Variants in CACNA2D2 observed in about 807,000 individuals in gnomAD.
CACNA2D2 encodes the protein calcium voltage-gated channel auxiliary subunit alpha2delta 2.
In CACNA2D2, 48 loss-of-function variants were observed where a neutral mutation model predicts 166.4. The ratio of observed to expected loss-of-function variants is 0.29; its 90% confidence interval spans 0.23 to 0.37. The LOEUF (loss-of-function observed/expected upper bound fraction) is 0.37. CACNA2D2 is among the 10% of genes least tolerant of loss of function. CACNA2D2 has a pLI of 1.00. For synonymous variants in CACNA2D2, 561 were observed against 573.7 expected, an observed-to-expected ratio of 0.98 and a Z score of 0.32; for missense variants, 1,122 against 1,433.0, an observed-to-expected ratio of 0.78 and a Z score of 3.50.
intron 22 of CACNA2D2, among the ~76,000 whole-genome samples, chr3:50,373,552 G>C (rs1704775618): frequency 8.8e-6 from 1 of 113,746 alleles, no homozygotes; most frequent in South Asian, 3.5e-4. Context: ...GAATGAAGGA[G>C]GGAAGAAAGA....
At chr3:50,408,749 C>G (rs1575642468) in intron 3 of CACNA2D2, among the ~76,000 whole-genome samples, 1 of 152,116 alleles carries the variant, frequency 6.6e-6, no homozygotes, top group East Asian at 1.9e-4. Context: ...TTGCTCCTGC[C>G]TGGGCCCAGG....
Position 50,364,473 on chromosome 3 carries a change from G to A in CACNA2D2, c.*193C>T. On this transcript the variant is annotated 3_prime_UTR_variant, in exon 38 of 38. Transcript: ENST00000424201. ...AGTTCGGAGGTGAGATGTGATTTGG[G>A]TGCCAAACACCTGCGGCGTCCCGCT... 3.1e-6 allele frequency: 2 copies of A among 649,506 alleles called. No individual in the cohort carries two copies. The highest frequency in any genetic ancestry group is 5.1e-6 in the Non-Finnish European group (2 of 388,946). The allele number at this position is 649,506 out of a possible 1,614,324, so 40.2% of individuals were successfully genotyped here. A position where few individuals can be genotyped will look rare whatever the true frequency, so the allele number is the denominator to read the frequency against.
At chr3:50,395,610 G>A (rs565453411) in intron 3 of CACNA2D2, among the ~76,000 whole-genome samples, 5 of 152,334 alleles carry the variant, frequency 3.3e-5, no homozygotes, top group Admixed American at 3.3e-4. Context: ...GGCCCCAGAG[G>A]GGACGTCCTA....
Position 50,367,499 on chromosome 3 carries a change from T to G in CACNA2D2, c.2298-2A>C. On this transcript the variant is annotated splice_acceptor_variant, in intron 26 of 37. Transcript: ENST00000424201. LOFTEE classifies it high-confidence loss of function. This position sits in a 1 kb window ranked among gnomAD's most constrained non-coding sequence, Gnocchi z 6.5. The stretch of plus-strand genomic sequence containing the variant: ...TTCTCTGTCCAGTCCTCAGCTGCCC[T>G]GGAGCACCCAAGAGGCAGACTGGTA... 1 of 1,613,778 alleles carries G rather than the reference T, an allele frequency of 6.2e-7. No homozygotes were observed. The highest frequency in any genetic ancestry group is 8.5e-7 in the Non-Finnish European group (1 of 1,179,854).
intron 1 of CACNA2D2, among the ~76,000 whole-genome samples, chr3:50,477,060 G>A (rs1429005480): frequency 6.6e-6 from 1 of 151,748 alleles, no homozygotes; most frequent in Non-Finnish European, 1.5e-5. Context: ...CTCCAGAGTA[G>A]CTGGGACTAC....
intron 3 of CACNA2D2, among the ~76,000 whole-genome samples, chr3:50,406,197 A>G (rs1043887048): frequency 3.3e-5 from 5 of 151,860 alleles, no homozygotes; most frequent in African/African-American, 4.8e-5. Context: ...AGCTAATGCC[A>G]TGCAAATTGG....
At chr3:50,445,790 A>T (rs1262178093) in intron 2 of CACNA2D2, among the ~76,000 whole-genome samples, 1 of 152,110 alleles carries the variant, frequency 6.6e-6, no homozygotes, top group Non-Finnish European at 1.5e-5. Flanking sequence ...GACCTGAAAA[A>T]TGCAGGGGTG....
chr3:50,404,657 C>T (rs528629650), intron 3 of CACNA2D2, among the ~76,000 whole-genome samples: 1 of 152,212 alleles, frequency 6.6e-6, no homozygotes, highest in Non-Finnish European at 1.5e-5. Flanking sequence ...GTTGATATGA[C>T]TCTCCTTCCT....
intron 5 of CACNA2D2, among the ~76,000 whole-genome samples, chr3:50,386,431 G>C (rs1018507724): frequency 6.6e-6 from 1 of 152,248 alleles, no homozygotes; most frequent in East Asian, 1.9e-4. Context: ...CGCTGCTGAG[G>C]GGGGTAAGGA....
chr3:50,408,581 T>C (rs575306555), intron 3 of CACNA2D2, among the ~76,000 whole-genome samples: 18 of 152,202 alleles, frequency 1.2e-4, no homozygotes, highest in Non-Finnish European at 2.5e-4. Context: ...CCTCGACACT[T>C]GGTTATTACG....
rs1200566757 is a variant in CACNA2D2, at chr3:50,376,182, C to A, written c.1633G>T (p.Ala545Ser). The change falls in exon 18 of 38, where the codon GCC becomes TCC. Residue 545 changes from alanine (A) to serine (S), a missense_variant. By Grantham distance (99) the Ala-to-Ser change is moderately conservative (BLOSUM62 1). This residue lies in a region of CACNA2D2 where 840 missense variants were observed against 1,166.8 expected (regional missense o/e 0.72). Coordinates refer to ENST00000424201, the MANE Select transcript of CACNA2D2 (RefSeq NM_006030.4). This position sits in a 1 kb window ranked among gnomAD's most constrained non-coding sequence, Gnocchi z 4.3. ...TCAATGGCAAACACATAGCCGTTGG[C>A]TCCAAGCTGGAGGCACAGATTGGGG... The part of the protein sequence containing the change: ...KRLTPNYTLG[A>S]NGYVFAIDLN... 1 of 1,613,262 alleles carries A rather than the reference C, an allele frequency of 6.2e-7. No homozygotes were observed. The highest frequency in any genetic ancestry group is 8.5e-7 in the Non-Finnish European group (1 of 1,179,974).
At chr3:50,417,841 G>A (rs909110171) in intron 3 of CACNA2D2, among the ~76,000 whole-genome samples, 2 of 152,164 alleles carry the variant, frequency 1.3e-5, no homozygotes, top group Non-Finnish European at 2.9e-5. Context: ...GGACCAGGCC[G>A]ACCTGTCGCT....
In CACNA2D2 at chr3:50,364,690, G is replaced by A. The variant is rs1300474442; in HGVS notation, c.3408C>T (p.Leu1136=). 3.2e-6 allele frequency: 5 copies of A among 1,539,394 alleles called. No individual in the cohort carries two copies. Among genetic ancestry groups the A allele is most frequent in the Non-Finnish European group, 3.5e-6 (4 of 1,141,258 alleles). ...GLPPRPQPQV[L]VHASRRL ...CTCAGAGGCGGCGAGAGGCGTGGAC[G>A]AGGACTTGAGGCTGCGGCCGGGGCG... is the stretch of plus-strand genomic sequence containing the variant. The change falls in exon 38 of 38, where the codon CTC becomes CTT. Residue 1136 remains leucine, a synonymous_variant. Transcript: ENST00000424201.
intron 3 of CACNA2D2, among the ~76,000 whole-genome samples, chr3:50,429,630 C>T (rs909815101): frequency 2.8e-5 from 4 of 144,474 alleles, no homozygotes; most frequent in African/African-American, 7.7e-5. Flanking sequence ...ATTAGCCAGG[C>T]GTGGTGGCAG....
chr3:50,419,146 G>A (rs1366331991), intron 3 of CACNA2D2, among the ~76,000 whole-genome samples: 1 of 152,194 alleles, frequency 6.6e-6, no homozygotes, highest in Non-Finnish European at 1.5e-5. Flanking sequence ...CACGGAAAGA[G>A]GCTTAGGCTT....
At chr3:50,373,499 G>C (rs1704772274) in intron 22 of CACNA2D2, among the ~76,000 whole-genome samples, 1 of 117,660 alleles carries the variant, frequency 8.5e-6, no homozygotes, top group African/African-American at 3.4e-5. Flanking sequence ...GAAGGAGGGG[G>C]GCCAGGGAGA....
chr3:50,409,818 G>A (rs995494438), intron 3 of CACNA2D2, among the ~76,000 whole-genome samples: 8 of 152,210 alleles, frequency 5.3e-5, no homozygotes, highest in Admixed American at 1.3e-4. Context: ...ATCAGACAGC[G>A]TGGAGTGGGA....
intron 3 of CACNA2D2, among the ~76,000 whole-genome samples, chr3:50,422,348 GTTGCCACAGGCTGTTCCCT>G (rs1273844921): frequency 6.6e-6 from 1 of 152,130 alleles, no homozygotes; most frequent in Non-Finnish European, 1.5e-5. Context: ...ACTCCCCCAG[GTTGCCACAGGCTGTTCCCT>G]TTGTCAGAAT....
Position 50,366,135 on chromosome 3 carries a change from G to C in CACNA2D2, c.2738C>G (p.Ala913Gly), listed in dbSNP as rs754043903. ...QVGRFFSEVD[A>G]NLMLALYNNS... Reference sequence around the variant, plus strand: ...ATTGTAGAGTGCCAGCATCAGGTTGGCATCCACCTCACTGAAGAACCTGCC... The same window carrying C: ...ATTGTAGAGTGCCAGCATCAGGTTGCCATCCACCTCACTGAAGAACCTGCC... The change falls in exon 32 of 38, where the codon GCC becomes GGC. Residue 913 changes from alanine (A) to glycine (G), a missense_variant. Physicochemically the swap from Ala to Gly is moderately conservative, Grantham distance 60. Transcript: ENST00000424201. This position sits in a 1 kb window ranked among gnomAD's most constrained non-coding sequence, Gnocchi z 5.9. 1 of 1,613,968 alleles carries C rather than the reference G, an allele frequency of 6.2e-7. No homozygotes were observed. Among genetic ancestry groups the C allele is most frequent in the Admixed American group, 1.7e-5 (1 of 60,026 alleles).
Sources: allele counts gnomAD v4.1 joint callset (sites outside exome capture counted in the v4.1 genomes callset), GRCh38; gene constraint gnomAD v4.1.1; regional missense constraint gnomAD v4.1.1; non-coding constraint Gnocchi (gnomAD v3.1); transcripts MANE v1.5; gene names NCBI Gene and HGNC (gene_info 2026-07-23, HGNC 2026-07-21).